CLASP2: variants seen among roughly 807,000 people sequenced by gnomAD.
CLASP2 encodes the protein CLIP-associating protein 2.
CLASP2 carries 47 observed loss-of-function variants against 194.4 expected under a neutral mutation model. That is an observed-to-expected ratio of 0.24 (90% confidence interval 0.19 to 0.31). The LOEUF (loss-of-function observed/expected upper bound fraction) is 0.31. Ranked by LOEUF, CLASP2 falls within the 10% of genes least tolerant of loss-of-function variation. The probability of loss-of-function intolerance (pLI) is 1.00; values close to 1 mark genes in which losing one functional copy is unlikely to be tolerated. For synonymous variants in CLASP2, 619 were observed against 633.5 expected, an observed-to-expected ratio of 0.98 and a Z score of 0.34; for missense variants, 1,445 against 1,823.6, an observed-to-expected ratio of 0.79 and a Z score of 3.78.
chr3:33,666,567 G>T (rs565099693), intron 6 of CLASP2, among the ~76,000 whole-genome samples: 1 of 152,150 alleles, frequency 6.6e-6, no homozygotes, highest in Non-Finnish European at 1.5e-5. Context: ...ATATTCCATC[G>T]TATGGATTTA....
At chr3:33,546,661 G>C (rs1395425403) in intron 30 of CLASP2, among the ~76,000 whole-genome samples, 1 of 152,090 alleles carries the variant, frequency 6.6e-6, no homozygotes, top group Non-Finnish European at 1.5e-5. Context: ...ACATTTTCTA[G>C]TGATTTCTTA....
Position 33,538,919 on chromosome 3 carries a change from T to C in CLASP2, c.3428A>G (p.Asn1143Ser). The C allele has an allele frequency of 6.3e-7, 1 of 1,583,614 alleles. No individual in the cohort carries two copies. Among genetic ancestry groups the C allele is most frequent in the Non-Finnish European group, 8.6e-7 (1 of 1,168,346 alleles). Reference sequence around the variant, plus strand: ...GCTATAAATATCTTCAGAGTTCATATTTTCTGTGTCATAATCAAATGCACT... The same window carrying C: ...GCTATAAATATCTTCAGAGTTCATACTTTCTGTGTCATAATCAAATGCACT... Reference protein sequence around the residue: ...SPSAFDYDTENMNSEDIYSSL... With the variant: ...SPSAFDYDTESMNSEDIYSSL... Residue 1143 changes from asparagine (N) to serine (S), a missense_variant, in exon 33 of 39, where the codon AAT (asparagine) becomes AGT (serine). Asn to Ser is a conservative substitution (Grantham distance 46). This residue lies in a region of CLASP2 where 732 missense variants were observed against 987.9 expected (regional missense o/e 0.74). Coordinates refer to ENST00000682230, the MANE Select transcript of CLASP2 (RefSeq NM_001365631.1).
At chr3:33,568,512 C>T (rs1035812639) in intron 26 of CLASP2, among the ~76,000 whole-genome samples, 2 of 139,318 alleles carry the variant, frequency 1.4e-5, no homozygotes, top group South Asian at 2.3e-4. Flanking sequence ...CAAGATCATG[C>T]CACTGCACTC....
chr3:33,509,686 TAGTC>T (rs143338188), intron 37 of CLASP2, among the ~76,000 whole-genome samples: 1,894 of 152,328 alleles, frequency 0.012, 14 homozygotes, highest in Middle Eastern at 0.044. Flanking sequence ...TATGTAATAT[TAGTC>T]AGCCATTAAA....
intron 1 of CLASP2, among the ~76,000 whole-genome samples, chr3:33,706,283 T>C (rs1473221995): frequency 6.6e-6 from 1 of 151,890 alleles, no homozygotes; most frequent in Non-Finnish European, 1.5e-5. Context: ...GACACAATGA[T>C]GGAAAATAAA....
rs1055167753 is a variant in CLASP2, at chr3:33,497,146, CAGAA to C, written c.*1481_*1484del. The C allele has an allele frequency of 1.2e-4, 19 of 152,604 alleles. No individual in the cohort carries two copies. Among genetic ancestry groups the C allele is most frequent in the African/African-American group, 1.9e-4 (8 of 41,542 alleles). The allele number at this position is 152,604 out of a possible 1,614,324, so 9.5% of individuals were successfully genotyped here. On this transcript the variant is annotated 3_prime_UTR_variant, in exon 39 of 39. Coordinates refer to ENST00000682230, the MANE Select transcript of CLASP2 (RefSeq NM_001365631.1). ...AGAGAAACTTTTCCTGCTGCTAGAA[CAGAA>C]AGAAAGGGGAAAGCCTATGACAAAT...
chr3:33,574,826 C>T (rs2064494763), intron 24 of CLASP2, among the ~76,000 whole-genome samples: 2 of 152,128 alleles, frequency 1.3e-5, no homozygotes, highest in Admixed American at 1.3e-4. Context: ...GGCTTACTAG[C>T]TGGAAAGTTT....
Position 33,571,513 on chromosome 3 carries a change from T to C in CLASP2, c.2700-723A>G, listed in dbSNP as rs981656971. Among the ~76,000 whole-genome samples, 11 of 151,784 alleles carry C rather than the reference T, an allele frequency of 7.2e-5. No individual in the cohort carries two copies. The East Asian group carries it at 2.0e-3, about 27-fold the overall frequency. ...CGCTGGTCATGGTGGCACACGTCTA[T>C]AATCCCAGCTACTCGGGAGGCTGAG... On this transcript the variant is annotated intron_variant, in intron 25 of 38. Coordinates refer to ENST00000682230, the MANE Select transcript of CLASP2 (RefSeq NM_001365631.1).
intron 32 of CLASP2, among the ~76,000 whole-genome samples, chr3:33,539,885 TA>T (rs1243989728): frequency 6.6e-6 from 1 of 151,424 alleles, no homozygotes; most frequent in African/African-American, 2.4e-5. Flanking sequence ...CACAAATTTG[TA>T]AGAAGATAGA....
In CLASP2 at chr3:33,506,512, A is replaced by C. The variant is rs182462435; in HGVS notation, c.4317+4046T>G. Among the ~76,000 whole-genome samples the C allele has an allele frequency of 7.5e-4, 114 of 151,512 alleles. 1 individual carries two copies. In the East Asian group the frequency reaches 0.014, roughly 19 times the overall value. Reference sequence around the variant, plus strand: ...TTCATTAAGTACTCTCTTGGTTACTATAAGTTTTTGGTTAGATCCTAGAGT... The same window carrying C: ...TTCATTAAGTACTCTCTTGGTTACTCTAAGTTTTTGGTTAGATCCTAGAGT... On this transcript the variant is annotated intron_variant, in intron 37 of 38. Coordinates refer to ENST00000682230, the MANE Select transcript of CLASP2 (RefSeq NM_001365631.1).
At position 33,717,940 on chromosome 3, in the gene CLASP2, C is replaced by T. The variant is rs2093372431; in HGVS notation, c.63G>A (p.Arg21=). ...GCAGGAGCTCCTGGCCGACCTGCAG[C>T]CGGCCGCCGACGTCCTTCTGCTGCA... ...AQVQQKDVGG[R]LQVGQELLLY... is the part of the protein sequence containing the mutation. The change falls in exon 1 of 39, where the codon CGG becomes CGA. Residue 21 remains arginine (R), a synonymous_variant. Coordinates refer to ENST00000682230, the MANE Select transcript of CLASP2 (RefSeq NM_001365631.1). 1 of 1,547,498 alleles carries T rather than the reference C, an allele frequency of 6.5e-7. No individual in the cohort carries two copies.
chr3:33,508,431 C>T (rs1046139135), intron 37 of CLASP2, among the ~76,000 whole-genome samples: 7 of 152,108 alleles, frequency 4.6e-5, no homozygotes, highest in Admixed American at 1.3e-4. Context: ...CCCGGGTTCA[C>T]GCCATTCTCC....
chr3:33,511,533 T>C (rs1013134174), intron 36 of CLASP2, among the ~76,000 whole-genome samples: 41 of 152,134 alleles, frequency 2.7e-4, no homozygotes, highest in Non-Finnish European at 5.9e-4. Flanking sequence ...AAAAATAATA[T>C]GATTAATGTG....
intron 29 of CLASP2, among the ~76,000 whole-genome samples, chr3:33,557,983 AAC>A (rs2061241668): frequency 6.6e-6 from 1 of 152,242 alleles, no homozygotes; most frequent in Admixed American, 6.5e-5. Context: ...AATGTAAATT[AAC>A]AGTTTATCTT....
chr3:33,527,374 T>C (rs1278671055), intron 34 of CLASP2, among the ~76,000 whole-genome samples: 2 of 152,202 alleles, frequency 1.3e-5, no homozygotes, highest in Admixed American at 6.5e-5. Context: ...AAGAGACAGA[T>C]AAATTCCTGG....
chr3:33,593,226 G>A (rs7640919), intron 20 of CLASP2, among the ~76,000 whole-genome samples: 6,633 of 152,176 alleles, frequency 0.044, 472 homozygotes, highest in African/African-American at 0.15. Flanking sequence ...ACTACAAGCA[G>A]CATGTCTGTC....
chr3:33,604,279 A>T, intron 16 of CLASP2, 70 bp from the exon 17 acceptor site: 1 of 973,860 alleles, frequency 1.0e-6, no homozygotes, highest in Non-Finnish European at 1.6e-6. Context: ...CCAATAAAAT[A>T]CTACTGAATT....
intron 6 of CLASP2, among the ~76,000 whole-genome samples, chr3:33,675,692 T>C (rs1429548204): frequency 6.8e-6 from 1 of 146,716 alleles, no homozygotes; most frequent in Non-Finnish European, 1.5e-5. Context: ...AAAACCCCAT[T>C]GTCTCAGCCC....
At chr3:33,622,017 G>T in intron 11 of CLASP2, 118 bp downstream of exon 11, 1 of 729,956 alleles carries the variant, frequency 1.4e-6, no homozygotes. Flanking sequence ...TAATAAAAAT[G>T]ATTTTTGGAT....
Sources: allele counts gnomAD v4.1 joint callset (sites outside exome capture counted in the v4.1 genomes callset), GRCh38; gene constraint gnomAD v4.1.1; regional missense constraint gnomAD v4.1.1; transcripts MANE v1.5; gene names NCBI Gene and HGNC (gene_info 2026-07-23, HGNC 2026-07-21).